Variants in TMEM164 observed in about 807,000 individuals in gnomAD.
TMEM164 encodes transmembrane protein 164, also known as RP13-360B22.2.
Under a neutral mutation model 18.8 loss-of-function variants are expected in TMEM164, and 4 were observed. The ratio of observed to expected loss-of-function variants is 0.21; its 90% CI spans 0.10 to 0.49. TMEM164 has a LOEUF of 0.49. TMEM164 is among the 20% of genes least tolerant of loss of function. The pLI is 0.98. For missense variants in TMEM164, 108 were observed against 239.9 expected, an observed-to-expected ratio of 0.45 and a Z score of 3.63; for synonymous variants, 86 against 101.7, an observed-to-expected ratio of 0.85 and a Z score of 0.93.
chrX:110,110,569 G>A (rs1309467053), intron 4 of TMEM164, among the ~76,000 whole-genome samples: 1 of 112,235 alleles, frequency 8.9e-6, no homozygotes, highest in Non-Finnish European at 1.9e-5. Flanking sequence ...CATGGAGTGG[G>A]AGTTGAGAAC....
At chrX:110,136,608 G>C (rs945014316) in intron 4 of TMEM164, among the ~76,000 whole-genome samples, 1 of 111,585 alleles carries the variant, frequency 9.0e-6, no homozygotes, top group Non-Finnish European at 1.9e-5. Context: ...CTTCTGGTAA[G>C]GCCAAGTCAC....
At chrX:110,031,312 G>A (rs1443539040) in intron 2 of TMEM164, among the ~76,000 whole-genome samples, 3 of 111,562 alleles carry the variant, frequency 2.7e-5, no homozygotes, top group Admixed American at 9.6e-5. Context: ...TCATTGATGG[G>A]CATTTGGGTT....
rs1280473751 is a variant in TMEM164, at chrX:110,164,754, G to A, written c.587-6666G>A. Among the ~76,000 whole-genome samples the A allele has an allele frequency of 1.8e-5, 2 of 111,450 alleles. 1 individual carries two copies. The highest frequency in any genetic ancestry group is 7.6e-4 in the South Asian group (2 of 2,643). ...GGATAGCGGGTGGTACAGTATGGTAGTGGTAGGATTTTAGTGAGAAGGGAG... is the reference window on the plus strand; with the variant it reads ...GGATAGCGGGTGGTACAGTATGGTAATGGTAGGATTTTAGTGAGAAGGGAG... On this transcript the variant is annotated intron_variant, in intron 5 of 6. Coordinates refer to ENST00000372068, the MANE Select transcript of TMEM164 (RefSeq NM_032227.4).
Position 110,177,774 on chromosome X carries a change from A to G in TMEM164, c.*4323A>G, listed in dbSNP as rs1479387441. 8.9e-6 allele frequency: 1 copy of G among 112,038 alleles called. No homozygotes were observed. The highest frequency in any genetic ancestry group is 3.2e-5 in the African/African-American group (1 of 30,775). 9.2% of individuals were successfully genotyped at this position (112,038 alleles called of 1,213,427 possible). ...AATGTTTCTTCATTTACTGTTATTA[A>G]AAGATTTATGAGAACCCAGGAGTCC... On this transcript the variant is annotated 3_prime_UTR_variant, in exon 7 of 7. Coordinates refer to ENST00000372068, the MANE Select transcript of TMEM164 (RefSeq NM_032227.4).
chrX:110,180,351 C>A (rs533608528), downstream of TMEM164, among the ~76,000 whole-genome samples: 1 of 112,517 alleles, frequency 8.9e-6, no homozygotes, highest in Middle Eastern at 4.6e-3. Flanking sequence ...TTTGCCAGTG[C>A]CAGTGGAGGA....
intron 2 of TMEM164, among the ~76,000 whole-genome samples, chrX:110,022,528 G>A (rs1432095726): frequency 9.0e-6 from 1 of 111,366 alleles, no homozygotes; most frequent in Non-Finnish European, 1.9e-5. Flanking sequence ...GTGACAAGGA[G>A]CTTTGTTTCT....
chrX:110,114,439 G>A (rs1003567062), intron 4 of TMEM164, among the ~76,000 whole-genome samples: 1 of 111,827 alleles, frequency 8.9e-6, no homozygotes, highest in Admixed American at 9.5e-5. Flanking sequence ...ATCTATACCC[G>A]TGACTTTGCA....
At chrX:110,168,079 C>T (rs2067181555) in intron 5 of TMEM164, among the ~76,000 whole-genome samples, 1 of 112,085 alleles carries the variant, frequency 8.9e-6, no homozygotes, top group Non-Finnish European at 1.9e-5. Context: ...CACTAGGGGG[C>T]GCCGAGCAGA....
intron 2 of TMEM164, among the ~76,000 whole-genome samples, chrX:110,005,582 T>C (rs920701624): frequency 8.0e-5 from 9 of 112,075 alleles, no homozygotes; most frequent in Admixed American, 1.9e-4. Context: ...TGGAATAAAG[T>C]GGCTGTTTTT....
At chrX:110,081,884 G>A (rs2065763310) in intron 3 of TMEM164, among the ~76,000 whole-genome samples, 2 of 112,385 alleles carry the variant, frequency 1.8e-5, no homozygotes, top group African/African-American at 6.5e-5. Flanking sequence ...TATAGGAAAG[G>A]GGTATGACGT....
chrX:110,171,355 C>T (rs1280113662), intron 5 of TMEM164, 65 bp from the exon 6 acceptor site: 3 of 840,070 alleles, frequency 3.6e-6, no homozygotes, highest in South Asian at 4.7e-5. Context: ...TACCTGCACC[C>T]TCATGGTACA....
intron 3 of TMEM164, among the ~76,000 whole-genome samples, chrX:110,101,445 T>C (rs1360876972): frequency 9.0e-6 from 1 of 111,554 alleles, no homozygotes; most frequent in African/African-American, 3.3e-5. Flanking sequence ...TAATTTTAAT[T>C]GCTAGGGTTC....
chrX:110,078,957 C>T lies in TMEM164; in HGVS notation c.440+11561C>T, dbSNP rs1051946217. 5.4e-5 allele frequency among the ~76,000 whole-genome samples: 6 copies of T among 112,063 alleles called. 1 individual carries two copies. Among genetic ancestry groups the T allele is most frequent in the Admixed American group, 4.7e-4 (5 of 10,595 alleles). ...CATTTCTCAACAGAAGCTCCGTGAA[C>T]GTCAATTTAATTCATCCCTAAAGAA... On this transcript the variant is annotated intron_variant, in intron 3 of 6. Coordinates refer to ENST00000372068, the MANE Select transcript of TMEM164 (RefSeq NM_032227.4).
intron 2 of TMEM164, among the ~76,000 whole-genome samples, chrX:110,013,988 A>C (rs1446933238): frequency 3.6e-5 from 4 of 111,403 alleles, no homozygotes; most frequent in African/African-American, 1.3e-4. Flanking sequence ...AAATTACTTA[A>C]CCTCTCTGAG....
chrX:110,005,122 CG>C (rs1205499842), intron 2 of TMEM164, among the ~76,000 whole-genome samples: 26 of 111,836 alleles, frequency 2.3e-4, no homozygotes, highest in Non-Finnish European at 3.8e-4. Context: ...TGTGGAAAAC[CG>C]GGTGTGTTTT....
chrX:110,073,246 G>A (rs2065622937), intron 3 of TMEM164, among the ~76,000 whole-genome samples: 1 of 111,136 alleles, frequency 9.0e-6, no homozygotes, highest in South Asian at 3.9e-4. Flanking sequence ...GTGTTGCCCA[G>A]GCTGGTCTCA....
chrX:110,108,996 C>A, intron 3 of TMEM164, 84 bp from the exon 4 acceptor site: 1 of 900,191 alleles, frequency 1.1e-6, no homozygotes, highest in Admixed American at 2.2e-5. Context: ...CTTCCATATG[C>A]CGTGGCTTAA....
chrX:110,046,173 T>C (rs1935309838), intron 2 of TMEM164: 1 of 753,273 alleles, frequency 1.3e-6, no homozygotes, highest in African/African-American at 2.3e-5. Context: ...TGATTATTTC[T>C]GTCAAGCTCA....
rs184994773 is a variant in TMEM164 at position 110,173,495 on chromosome X, G to A, written c.*44G>A. On this transcript the variant is annotated 3_prime_UTR_variant, in exon 7 of 7. Transcript: ENST00000372068. ...TTTTTCCTCCCTGAGGAAGCAAGTC[G>A]TGACTTGACTTGGAGAACACCCAGT... 1.1e-3 allele frequency: 1,158 copies of A among 1,098,128 alleles called. 1 individual carries two copies. The highest frequency in any genetic ancestry group is 1.3e-3 in the Non-Finnish European group (1,067 of 810,395). 90.5% of individuals were successfully genotyped at this position (1,098,128 alleles called of 1,213,427 possible). A position where few individuals can be genotyped will look rare whatever the true frequency, so the allele number is the denominator to read the frequency against.
Sources: allele counts gnomAD v4.1 joint callset (sites outside exome capture counted in the v4.1 genomes callset), GRCh38; gene constraint gnomAD v4.1.1; transcripts MANE v1.5; gene names NCBI Gene and HGNC (gene_info 2026-07-23, HGNC 2026-07-21).